The following KAT6B variants were observed in gnomAD, a reference collection of about 807,000 sequenced individuals.
KAT6B encodes the protein lysine acetyltransferase 6B, also known as histone acetyltransferase KAT6B.
In KAT6B, 10 loss-of-function variants were observed where a neutral mutation model predicts 187.5. The ratio of observed to expected loss-of-function variants is 0.05; its 90% CI spans 0.03 to 0.09. The LOEUF is 0.09. Ranked by LOEUF, KAT6B falls within the 10% of genes least tolerant of loss-of-function variation. KAT6B has a pLI of 1.00. For missense variants in KAT6B, 1,952 were observed against 2,558.9 expected (o/e 0.76, Z 5.12); for synonymous variants, 861 against 926.8 (o/e 0.93, Z 1.29).
chr10:75,027,873 G>A (rs1335381393), intron 17 of KAT6B, among the ~76,000 whole-genome samples: 31 of 152,128 alleles, frequency 2.0e-4, no homozygotes, highest in Admixed American at 1.9e-3. Flanking sequence ...ATGCAAAAAT[G>A]ATGATCCTAA....
chr10:74,937,232 G>A (rs1037040234), intron 3 of KAT6B, among the ~76,000 whole-genome samples: 2 of 152,114 alleles, frequency 1.3e-5, no homozygotes, highest in African/African-American at 2.4e-5. Context: ...ATGTAGCTTC[G>A]GAGCCAAATA....
At chr10:74,887,038 A>G (rs932770442) in intron 3 of KAT6B, among the ~76,000 whole-genome samples, 2 of 152,174 alleles carry the variant, frequency 1.3e-5, no homozygotes, top group African/African-American at 4.8e-5. Flanking sequence ...TGAAGGGAGA[A>G]GAGCCAGCCT....
At chr10:74,934,954 G>C (rs938798769) in intron 3 of KAT6B, among the ~76,000 whole-genome samples, 1 of 145,414 alleles carries the variant, frequency 6.9e-6, no homozygotes, top group African/African-American at 2.6e-5. Flanking sequence ...CCCTGTCCTG[G>C]TTACTGTTTC....
chr10:74,936,419 A>G (rs1254262199), intron 3 of KAT6B, among the ~76,000 whole-genome samples: 2 of 151,808 alleles, frequency 1.3e-5, no homozygotes, highest in Non-Finnish European at 2.9e-5. Context: ...AAAAAAAAAG[A>G]AATTTTGTAA....
intron 1 of KAT6B, among the ~76,000 whole-genome samples, chr10:74,836,680 G>A (rs946684307): frequency 1.3e-5 from 2 of 152,154 alleles, no homozygotes; most frequent in African/African-American, 4.8e-5. Context: ...GTTAACCAAG[G>A]ACACTATTTT....
At chr10:74,893,326 T>C (rs539921940) in intron 3 of KAT6B, among the ~76,000 whole-genome samples, 63 of 152,330 alleles carry the variant, frequency 4.1e-4, no homozygotes, top group Middle Eastern at 6.8e-3. Flanking sequence ...CTCACTGCTG[T>C]TCTTAGGGGA....
chr10:74,834,957 T>A (rs1841176740), intron 1 of KAT6B, among the ~76,000 whole-genome samples: 1 of 152,224 alleles, frequency 6.6e-6, no homozygotes, highest in African/African-American at 2.4e-5. Context: ...CCCGATACAT[T>A]TATTTAGCAA....
intron 3 of KAT6B, among the ~76,000 whole-genome samples, chr10:74,938,660 G>C (rs565029248): frequency 6.6e-6 from 1 of 152,152 alleles, no homozygotes; most frequent in Admixed American, 6.5e-5. Flanking sequence ...CCATGCCCTT[G>C]TAATTTCCAA....
At chr10:74,940,175 TAAG>T (rs887458926) in intron 3 of KAT6B, among the ~76,000 whole-genome samples, 1 of 152,174 alleles carries the variant, frequency 6.6e-6, no homozygotes, top group African/African-American at 2.4e-5. Flanking sequence ...TGGAATTTTT[TAAG>T]AAAACCATGT....
intron 3 of KAT6B, among the ~76,000 whole-genome samples, chr10:74,890,374 C>T (rs1417643338): frequency 6.6e-6 from 1 of 152,056 alleles, no homozygotes; most frequent in African/African-American, 2.4e-5. Flanking sequence ...TGTGGTGGCT[C>T]ACACTTGTAA....
At chr10:74,940,571 G>T (rs1033095311) in intron 3 of KAT6B, among the ~76,000 whole-genome samples, 2 of 148,974 alleles carry the variant, frequency 1.3e-5, no homozygotes, top group African/African-American at 5.0e-5. Context: ...ACCGTGCCCG[G>T]CCTTTGTTTT....
chr10:74,899,987 T>C (rs1028387875), intron 3 of KAT6B, among the ~76,000 whole-genome samples: 1 of 152,198 alleles, frequency 6.6e-6, no homozygotes, highest in African/African-American at 2.4e-5. Flanking sequence ...CTATAGTGTA[T>C]AAGTAAGTTC....
At chr10:74,955,383 TCC>T (rs34174594) in intron 3 of KAT6B, among the ~76,000 whole-genome samples, 3 of 101,422 alleles carry the variant, frequency 3.0e-5, no homozygotes, top group African/African-American at 7.7e-5. Flanking sequence ...CACAATTTTA[TCC>T]CCCCCCCCCC....
chr10:74,922,851 T>A (rs910994926), intron 3 of KAT6B, among the ~76,000 whole-genome samples: 3 of 152,054 alleles, frequency 2.0e-5, no homozygotes, highest in African/African-American at 7.2e-5. Context: ...GTAGTCATAT[T>A]TTTTTTTAAA....
At chr10:74,953,333 T>A (rs1247847592) in intron 3 of KAT6B, among the ~76,000 whole-genome samples, 1 of 152,232 alleles carries the variant, frequency 6.6e-6, no homozygotes, top group African/African-American at 2.4e-5. Context: ...TCTTTCTGTT[T>A]TTATAGCCAA....
chr10:74,927,400 G>A (rs551999064), intron 3 of KAT6B, among the ~76,000 whole-genome samples: 2 of 151,742 alleles, frequency 1.3e-5, no homozygotes, highest in East Asian at 1.9e-4. Flanking sequence ...GGGAGCCATC[G>A]GCCCAGCAGG....
At chr10:75,022,593 T>C (rs1845523099) in intron 16 of KAT6B, among the ~76,000 whole-genome samples, 1 of 152,170 alleles carries the variant, frequency 6.6e-6, no homozygotes, top group Non-Finnish European at 1.5e-5. Context: ...TCTAAGGTCA[T>C]ATGACTCATT....
intron 3 of KAT6B, among the ~76,000 whole-genome samples, chr10:74,893,289 T>C (rs886996305): frequency 2.0e-5 from 3 of 152,186 alleles, no homozygotes; most frequent in African/African-American, 7.2e-5. Flanking sequence ...CTTGCCGCCT[T>C]TCATTCCTTG....
At chr10:74,944,757 C>T (rs1294400451) in intron 3 of KAT6B, among the ~76,000 whole-genome samples, 2 of 132,984 alleles carry the variant, frequency 1.5e-5, no homozygotes, top group South Asian at 2.5e-4. Context: ...TGCAGTGAGC[C>T]GAGATCGCGC....
Sources: allele counts gnomAD v4.1 joint callset (sites outside exome capture counted in the v4.1 genomes callset), GRCh38; gene constraint gnomAD v4.1.1; transcripts MANE v1.5; gene names NCBI Gene and HGNC (gene_info 2026-07-23, HGNC 2026-07-21).